Variants in MORC2 observed in about 807,000 individuals in gnomAD.
MORC2 encodes the protein ATPase MORC2.
In MORC2, 30 loss-of-function variants were observed where a neutral mutation model predicts 136.0. That is an observed-to-expected ratio of 0.22 (90% CI 0.17 to 0.30). The LOEUF (loss-of-function observed/expected upper bound fraction) is 0.30. Ranked by LOEUF, MORC2 falls within the 10% of genes least tolerant of loss-of-function variation. The pLI is 1.00. For synonymous variants in MORC2, 439 were observed against 487.0 expected, an observed-to-expected ratio of 0.90 and a Z score of 1.30; for missense variants, 922 against 1,333.1, an observed-to-expected ratio of 0.69 and a Z score of 4.80.
rs1010844001 is a variant in MORC2 at position 30,968,604 on chromosome 22, C to A, written c.-715G>T. Reference sequence around the variant, plus strand: ...CGCCCACAGCACCTCGGGCAGGCCGCGCCCCGCCCCCACGTCCCTCAGACA... The same window carrying A: ...CGCCCACAGCACCTCGGGCAGGCCGAGCCCCGCCCCCACGTCCCTCAGACA... On this transcript the variant is annotated 5_prime_UTR_variant, in exon 1 of 26. Transcript: ENST00000397641. Among the ~76,000 whole-genome samples the A allele has an allele frequency of 4.6e-5, 7 of 152,138 alleles. No homozygotes were observed. Among genetic ancestry groups the A allele is most frequent in the Admixed American group, 4.6e-4 (7 of 15,282 alleles).
Position 30,940,758 on chromosome 22 carries a change from C to T in MORC2, c.904G>A (p.Ala302Thr). ...VKKAEHVARI[A>T]EEKAREAESK... ...ACTCCTGCACCCAGAGTGGCATTACCAATCCTTGCTACGTGCTCTGCTTTC... is the reference window on the plus strand; with the variant it reads ...ACTCCTGCACCCAGAGTGGCATTACTAATCCTTGCTACGTGCTCTGCTTTC... The change falls in exon 10 of 26, where the codon GCT becomes ACT. Residue 302 changes from alanine to threonine, a missense_variant and splice_region_variant. Ala to Thr is a moderately conservative substitution (Grantham distance 58). Around this residue, in one of 9 missense-constraint regions of MORC2, gnomAD observed 261 missense variants for 354.3 expected, o/e 0.74. Transcript: ENST00000397641. 2 of 1,613,994 alleles carry T rather than the reference C, an allele frequency of 1.2e-6. No homozygotes were observed. Among genetic ancestry groups the T allele is most frequent in the Non-Finnish European group, 1.7e-6 (2 of 1,179,898 alleles).
intron 17 of MORC2, 97 bp from the exon 18 acceptor site, chr22:30,935,419 A>G: frequency 8.1e-7 from 1 of 1,232,082 alleles, no homozygotes; most frequent in Non-Finnish European, 1.2e-6. Context: ...AAAAAAATAG[A>G]AAACCTGAGC....
intron 1 of MORC2, among the ~76,000 whole-genome samples, chr22:30,960,847 TTTGTTG>T (rs1204747900): frequency 6.6e-6 from 1 of 151,044 alleles, no homozygotes; most frequent in African/African-American, 2.4e-5. Context: ...ACAGCCATAT[TTTGTTG>T]TTGTTGTTGT....
rs576125276 is a variant in MORC2 at position 30,957,043 on chromosome 22, T to A, written c.123-246A>T. Among the ~76,000 whole-genome samples the A allele has an allele frequency of 6.6e-5, 10 of 152,290 alleles. No homozygotes were observed. In the East Asian group the frequency reaches 1.9e-3, roughly 29 times the overall value. The stretch of plus-strand genomic sequence containing the variant: ...ATCACATGACATGGGGCCTGGATAT[T>A]TTTTTTAAATCCTGATTTTGTGGTA... On this transcript the variant is annotated intron_variant, in intron 2 of 25. Transcript: ENST00000397641.
chr22:30,962,743 A>C (rs1281273694), intron 1 of MORC2, among the ~76,000 whole-genome samples: 2 of 152,348 alleles, frequency 1.3e-5, no homozygotes, highest in South Asian at 4.1e-4. Flanking sequence ...ATCATAAAAG[A>C]AGCCTTTTGT....
intron 11 of MORC2, 98 bp from the exon 12 acceptor site, chr22:30,939,804 A>G (rs372107647): frequency 1.3e-5 from 18 of 1,379,126 alleles, no homozygotes; most frequent in African/African-American, 1.3e-4. Context: ...TATCTCAAAG[A>G]TGTAAAACCA....
chr22:30,954,075 A>G (rs2058166043), intron 3 of MORC2, among the ~76,000 whole-genome samples: 1 of 152,190 alleles, frequency 6.6e-6, no homozygotes, highest in South Asian at 2.1e-4. Flanking sequence ...GGGCCAAGGC[A>G]GTCAGATTAC....
In MORC2 at chr22:30,934,830, A is replaced by G; in HGVS notation, c.2144T>C (p.Ile715Thr). The G allele has an allele frequency of 6.2e-7, 1 of 1,614,122 alleles. No homozygotes were observed. ...TGTCTTCTTCACCACTGGAGTCTTG[A>G]TGACTTTGGGAGAAGGAACCTCCCG... Reference protein sequence around the residue: ...SPREVPSPKVIKTPVVKKTES... With the variant: ...SPREVPSPKVTKTPVVKKTES... The change falls in exon 19 of 26, where the codon ATC (isoleucine) becomes ACC (threonine). Residue 715 changes from isoleucine to threonine, a missense_variant. Ile to Thr is a moderately conservative substitution (Grantham distance 89). This residue lies in a region of MORC2 where 184 missense variants were observed against 180.3 expected (regional missense o/e 1.02). Coordinates refer to ENST00000397641, the MANE Select transcript of MORC2 (RefSeq NM_001303256.3). The surrounding 1 kb of genome is among the most constrained non-coding windows in gnomAD (Gnocchi z 4.4).
At chr22:30,946,670 C>A (rs2040820483) in intron 5 of MORC2, among the ~76,000 whole-genome samples, 1 of 151,830 alleles carries the variant, frequency 6.6e-6, no homozygotes, top group African/African-American at 2.4e-5. Context: ...ACTCCTTAGT[C>A]TTTACTTACA....
chr22:30,953,051 A>G (rs2040914474), intron 3 of MORC2, among the ~76,000 whole-genome samples: 1 of 152,244 alleles, frequency 6.6e-6, no homozygotes, highest in Non-Finnish European at 1.5e-5. Flanking sequence ...TATTGACAAC[A>G]TCTGTGGATG....
rs935186407 is a variant in MORC2, at chr22:30,940,806, T to C, written c.856A>G (p.Thr286Ala). The C allele has an allele frequency of 6.2e-7, 1 of 1,614,028 alleles. No homozygotes were observed. Among genetic ancestry groups the C allele is most frequent in the East Asian group, 2.2e-5 (1 of 44,854 alleles). ...MYKYTSSRFK[T>A]RAEQEVKKAE... Reference sequence around the variant, plus strand: ...TTCTTCACCTCCTGCTCCGCACGGGTCTTGAAACGGCTTGACGTGTACTTG... The same window carrying C: ...TTCTTCACCTCCTGCTCCGCACGGGCCTTGAAACGGCTTGACGTGTACTTG... Residue 286 changes from threonine (T) to alanine (A), a missense_variant, in exon 10 of 26, where the codon ACC becomes GCC. By Grantham distance (58) the Thr-to-Ala change is moderately conservative (BLOSUM62 0). Transcript: ENST00000397641.
At chr22:30,951,676 T>A (rs1351890508) in intron 3 of MORC2, among the ~76,000 whole-genome samples, 2 of 152,262 alleles carry the variant, frequency 1.3e-5, no homozygotes, top group African/African-American at 4.8e-5. Context: ...AAGCTTCAGT[T>A]AACCAATTTT....
chr22:30,950,337 G>GGGGGGGGGGGC, intron 4 of MORC2, 40 bp downstream of exon 4: 1 of 761,768 alleles, frequency 1.3e-6, no homozygotes, highest in Non-Finnish European at 2.3e-6. Flanking sequence ...TGGTTACATC[G>GGGGGGGGGGGC]CACCCCCCCA....
intron 5 of MORC2, among the ~76,000 whole-genome samples, chr22:30,948,761 T>C (rs2040851710): frequency 1.3e-5 from 2 of 152,210 alleles, no homozygotes; most frequent in African/African-American, 2.4e-5. Context: ...TTTCTTCATC[T>C]GAAAATAATA....
intron 25 of MORC2, 86 bp from the exon 26 acceptor site, chr22:30,926,957 T>C (rs2040493859): frequency 2.5e-6 from 3 of 1,189,764 alleles, no homozygotes; most frequent in Non-Finnish European, 3.7e-6. Flanking sequence ...GCTCCTGGGA[T>C]GGAGCCCAGA....
At chr22:30,962,961 T>A (rs189633237) in intron 1 of MORC2, among the ~76,000 whole-genome samples, 1 of 152,006 alleles carries the variant, frequency 6.6e-6, no homozygotes, top group Non-Finnish European at 1.5e-5. Flanking sequence ...TGGGATAGAG[T>A]AAACATCAAA....
At chr22:30,935,428 G>C (rs922516138) in intron 17 of MORC2, 106 bp from the exon 18 acceptor site, 2 of 1,104,736 alleles carry the variant, frequency 1.8e-6, no homozygotes, top group Non-Finnish European at 2.7e-6. Flanking sequence ...GAAAACCTGA[G>C]CCATAGTCCT....
At chr22:30,938,871 T>C (rs911889526) in intron 12 of MORC2, among the ~76,000 whole-genome samples, 1 of 152,172 alleles carries the variant, frequency 6.6e-6, no homozygotes, top group African/African-American at 2.4e-5. Flanking sequence ...GCCCGGCCAA[T>C]TATTATTATT....
rs1032108838 is a variant in MORC2 at position 30,956,820 on chromosome 22, T to C, written c.123-23A>G. The C allele has an allele frequency of 1.2e-5, 19 of 1,526,458 alleles. No individual in the cohort carries two copies. In the Admixed American group the frequency reaches 3.6e-4, roughly 29 times the overall value. The allele number at this position is 1,526,458 out of a possible 1,614,324, so 94.6% of individuals were successfully genotyped here. ...TCTCTGCAAAGTGAAAAGAAAAGAA[T>C]CATGTGAATTAATATGAAATATCAA... is the stretch of plus-strand genomic sequence containing the variant. On this transcript the variant is annotated intron_variant, in intron 2 of 25. Coordinates refer to ENST00000397641, the MANE Select transcript of MORC2 (RefSeq NM_001303256.3).
Sources: gnomAD v4.1 joint callset for allele counts (sites outside exome capture counted in the v4.1 genomes callset) on GRCh38, gnomAD v4.1.1 for gene constraint, gnomAD v4.1.1 regional missense constraint, Gnocchi (gnomAD v3.1) non-coding constraint, MANE v1.5 for transcripts, NCBI Gene and HGNC (gene_info 2026-07-23, HGNC 2026-07-21) for gene names.